The following SBF1 variants were observed in gnomAD, a reference collection of about 807,000 sequenced individuals.
SBF1 encodes SET binding factor 1.
A neutral mutation model predicts 215.8 loss-of-function variants in SBF1; 65 were observed. The ratio of observed to expected loss-of-function variants is 0.30; its 90% CI spans 0.25 to 0.37. The LOEUF is 0.37. Among genes scored for constraint, SBF1 ranks in the 10% least tolerant of loss-of-function variants. SBF1 has a pLI of 1.00. For synonymous variants in SBF1, 1,410 were observed against 1,122.8 expected (o/e 1.26, Z -5.11); for missense variants, 2,634 against 2,667.8 (o/e 0.99, Z 0.28).
chr22:50,460,812 G>A (rs2067476259), intron 23 of SBF1, 100 bp from the exon 24 acceptor site: 2 of 1,325,402 alleles, frequency 1.5e-6, no homozygotes, highest in African/African-American at 1.5e-5. Flanking sequence ...AGCCATGACA[G>A]AGAGAGAAGC....
chr22:50,464,925 G>C lies in SBF1; in HGVS notation c.1333-8C>G, dbSNP rs1603433639. 6.2e-7 allele frequency: 1 copy of C among 1,613,836 alleles called. No individual in the cohort carries two copies. Among genetic ancestry groups the C allele is most frequent in the East Asian group, 2.2e-5 (1 of 44,880 alleles). On this transcript the variant is annotated splice_region_variant and splice_polypyrimidine_tract_variant and intron_variant, in intron 12 of 40. Coordinates refer to ENST00000380817, the MANE Select transcript of SBF1 (RefSeq NM_002972.4). ...CACCTCGTGGGCCACCAGCTAGCGG[G>C]GTAAGCAGGAGGTTAGGTAAGCCAT...
At position 50,464,891 on chromosome 22, in the gene SBF1, C is replaced by T. The variant is rs776387674; in HGVS notation, c.1359G>A (p.Met453Ile). Residue 453 changes from methionine to isoleucine, a missense_variant, in exon 13 of 41, where the codon ATG becomes ATA. Transcript: ENST00000380817. ...DELVAHEVAR[M>I]RADENHPQRV... Reference sequence around the variant, plus strand: ...GCTGGGGGTGGTTCTCATCCGCCCGCATCCTTGCCACCTCGTGGGCCACCA... The same window carrying T: ...GCTGGGGGTGGTTCTCATCCGCCCGTATCCTTGCCACCTCGTGGGCCACCA... 17 of 1,613,770 alleles carry T rather than the reference C, an allele frequency of 1.1e-5. No homozygotes were observed. Among genetic ancestry groups the T allele is most frequent in the Non-Finnish European group, 1.4e-5 (17 of 1,180,026 alleles).
chr22:50,461,091 G>A, intron 23 of SBF1, 68 bp downstream of exon 23: 3 of 1,523,738 alleles, frequency 2.0e-6, no homozygotes, highest in African/African-American at 1.4e-5. Context: ...GTTCATACAA[G>A]AAAGACCGGT....
chr22:50,464,551 G>T lies in SBF1; in HGVS notation c.1619C>A (p.Pro540His). 1 of 1,611,298 alleles carries T rather than the reference G, an allele frequency of 6.2e-7. No homozygotes were observed. Among genetic ancestry groups the T allele is most frequent in the Non-Finnish European group, 8.5e-7 (1 of 1,179,046 alleles). Residue 540 changes from proline to histidine, a missense_variant, in exon 14 of 41, where the codon CCC (proline) becomes CAC (histidine). Transcript: ENST00000380817. ...AVKAERRTTV[P>H]SGPPMTAILE... is the part of the protein sequence containing the mutation. ...TTACGCACTCATGGGGGGCCCTGAG[G>T]GCACGGTGGTCCTCCTCTCGGCCTT...
chr22:50,461,033 C>G (rs564747965), intron 23 of SBF1, 126 bp downstream of exon 23: 2 of 1,266,516 alleles, frequency 1.6e-6, no homozygotes, highest in Non-Finnish European at 2.1e-6. Context: ...GGGCCCCAGA[C>G]ATGCAAGCGT....
In SBF1 at chr22:50,459,640, T is replaced by C; in HGVS notation, c.3518A>G (p.Gln1173Arg). ...RSYPGLLIVP[Q>R]SVQDNALQRV... ...CTGCAGGGCGTTGTCCTGGACACTC[T>C]GGGGCACGATCAGCAGCCCTGGGTA... Residue 1173 changes from glutamine to arginine, a missense_variant, in exon 27 of 41, where the codon CAG becomes CGG. By Grantham distance (43) the Gln-to-Arg change is conservative (BLOSUM62 1). Coordinates refer to ENST00000380817, the MANE Select transcript of SBF1 (RefSeq NM_002972.4). 1 of 1,607,656 alleles carries C rather than the reference T, an allele frequency of 6.2e-7. No individual in the cohort carries two copies. The highest frequency in any genetic ancestry group is 8.5e-7 in the Non-Finnish European group (1 of 1,178,020).
In SBF1 at chr22:50,466,225, C is replaced by G. The variant is rs765389414; in HGVS notation, c.822G>C (p.Leu274=). The G allele has an allele frequency of 1.2e-6, 2 of 1,613,510 alleles. No individual in the cohort carries two copies. The highest frequency in any genetic ancestry group is 1.7e-6 in the Non-Finnish European group (2 of 1,180,048). The change falls in exon 8 of 41, where the codon CTG becomes CTC. Residue 274 remains leucine (L), a synonymous_variant. Coordinates refer to ENST00000380817, the MANE Select transcript of SBF1 (RefSeq NM_002972.4). ...GCGTGGGTGTGCTGAGGACCTCCAG[C>G]AGCTGAGCCGGCAGGATGGGCACAT... ...FTYVPILPAQ[L]LEVLSTPTPF...
intron 1 of SBF1, among the ~76,000 whole-genome samples, chr22:50,473,609 G>C (rs1294557949): frequency 2.0e-5 from 3 of 152,162 alleles, no homozygotes; most frequent in Non-Finnish European, 4.4e-5. Context: ...ATGCTAAAGA[G>C]GCTTCAGGAA....
At chr22:50,453,667 G>A (rs1350738589) in intron 36 of SBF1, among the ~76,000 whole-genome samples, 1 of 152,168 alleles carries the variant, frequency 6.6e-6, no homozygotes, top group Non-Finnish European at 1.5e-5. Flanking sequence ...GGCACCTGTA[G>A]TCCCAGCTAC....
Position 50,446,644 on chromosome 22 carries a change from C to A in SBF1, c.*498G>T. 2.8e-6 allele frequency: 1 copy of A among 363,522 alleles called. No individual in the cohort carries two copies. The highest frequency in any genetic ancestry group is 5.4e-6 in the Non-Finnish European group (1 of 184,096). The allele number at this position is 363,522 out of a possible 1,614,324, so 22.5% of individuals were successfully genotyped here. ...GATCCGCCCCCAGAGCAAAGTCACT[C>A]CCAGGGACATGCAGGCCGAGCTGGG... On this transcript the variant is annotated 3_prime_UTR_variant, in exon 41 of 41. Coordinates refer to ENST00000380817, the MANE Select transcript of SBF1 (RefSeq NM_002972.4).
Position 50,457,123 on chromosome 22 carries a change from G to T in SBF1, c.3827-12C>A. Reference sequence around the variant, plus strand: ...TCTGGGGCTGGGAACTGAGGGCACAGCAGAGAGAAGGCTCAGGCCTAGCCC... The same window carrying T: ...TCTGGGGCTGGGAACTGAGGGCACATCAGAGAGAAGGCTCAGGCCTAGCCC... On this transcript the variant is annotated splice_polypyrimidine_tract_variant and intron_variant, in intron 28 of 40. Transcript: ENST00000380817. 6.8e-7 allele frequency: 1 copy of T among 1,473,564 alleles called. No individual in the cohort carries two copies. The highest frequency in any genetic ancestry group is 8.9e-7 in the Non-Finnish European group (1 of 1,120,102). 91.3% of individuals were successfully genotyped at this position (1,473,564 alleles called of 1,614,324 possible).
chr22:50,473,581 G>A lies in SBF1; in HGVS notation c.55+1205C>T, dbSNP rs12483908. Among the ~76,000 whole-genome samples, 509 of 152,258 alleles carry A rather than the reference G, an allele frequency of 3.3e-3. 2 individuals are homozygous for A. Among genetic ancestry groups the A allele is most frequent in the South Asian group, 0.022 (107 of 4,826 alleles). ...TGCTGAGTAAGAGGGCACTGAGGAGGGGCTGGAGACGAAGAAGATGCTAAA... is the reference window on the plus strand; with the variant it reads ...TGCTGAGTAAGAGGGCACTGAGGAGAGGCTGGAGACGAAGAAGATGCTAAA... On this transcript the variant is annotated intron_variant, in intron 1 of 40. Transcript: ENST00000380817.
chr22:50,456,097 ACCT>A, intron 31 of SBF1, 116 bp downstream of exon 31: 5 of 1,112,298 alleles, frequency 4.5e-6, no homozygotes, highest in South Asian at 1.7e-5. Context: ...AGTGGCTGTC[ACCT>A]CCTCCTTCCA....
chr22:50,454,819 C>T lies in SBF1; in HGVS notation c.4807G>A (p.Ala1603Thr), dbSNP rs754454392. 5 of 1,613,844 alleles carry T rather than the reference C, an allele frequency of 3.1e-6. No individual in the cohort carries two copies. The highest frequency in any genetic ancestry group is 2.7e-5 in the African/African-American group (2 of 75,036). Residue 1603 changes from alanine (A) to threonine (T), a missense_variant, in exon 35 of 41, where the codon GCA (alanine) becomes ACA (threonine). Coordinates refer to ENST00000380817, the MANE Select transcript of SBF1 (RefSeq NM_002972.4). ...CGACCCAGGCCCCAGCTTACCTCTG[C>T]GTCCTCGGGCGCATACATGTAATTG... ...FHNYMYAPED[A>T]EVLRPYSNVS...
chr22:50,465,114 G>C lies in SBF1; in HGVS notation c.1219C>G (p.Gln407Glu), dbSNP rs2067690978. Residue 407 changes from glutamine (Q) to glutamate (E), a missense_variant, in exon 12 of 41, where the codon CAG becomes GAG. By Grantham distance (29) the Gln-to-Glu change is conservative. Transcript: ENST00000380817. ...AAATCGTCCTCTACCAGCCCACGCT[G>C]GCCCAGGAAGGCTGCCTGGATGACA... ...IRFHKAAFLG[Q>E]RGLVEDDFLM... 4 of 1,613,956 alleles carry C rather than the reference G, an allele frequency of 2.5e-6. No individual in the cohort carries two copies. In the African/African-American group the frequency reaches 4.0e-5, roughly 16 times the overall value.
Position 50,467,357 on chromosome 22 carries a change from G to A in SBF1, c.530C>T (p.Pro177Leu), listed in dbSNP as rs1325470004. 6.2e-7 allele frequency: 1 copy of A among 1,614,094 alleles called. No individual in the cohort carries two copies. Among genetic ancestry groups the A allele is most frequent in the East Asian group, 2.2e-5 (1 of 44,878 alleles). ...ACTCACCTGCGAGCCCCCAGCCAGGGGCACAGTGCACGTCAGCAGGTTCCC... is the reference window on the plus strand; with the variant it reads ...ACTCACCTGCGAGCCCCCAGCCAGGAGCACAGTGCACGTCAGCAGGTTCCC... ...VIGNLLTCTVPLAGGSQRTIS... is the reference protein window; with the variant it reads ...VIGNLLTCTVLLAGGSQRTIS... Residue 177 changes from proline to leucine, a missense_variant, in exon 5 of 41, where the codon CCC becomes CTC. Pro to Leu is a moderately conservative substitution (Grantham distance 98). Coordinates refer to ENST00000380817, the MANE Select transcript of SBF1 (RefSeq NM_002972.4).
Position 50,462,852 on chromosome 22 carries a change from A to G in SBF1, c.1968+18T>C. On this transcript the variant is annotated intron_variant, in intron 17 of 40. Coordinates refer to ENST00000380817, the MANE Select transcript of SBF1 (RefSeq NM_002972.4). Reference sequence around the variant, plus strand: ...AAGGGGGGGCTGGGAAGGAGACCTCAGCCATGCCAGCACTCACCCGGCAGA... The same window carrying G: ...AAGGGGGGGCTGGGAAGGAGACCTCGGCCATGCCAGCACTCACCCGGCAGA... 6.2e-7 allele frequency: 1 copy of G among 1,612,820 alleles called. No individual in the cohort carries two copies. The highest frequency in any genetic ancestry group is 8.5e-7 in the Non-Finnish European group (1 of 1,179,716).
rs2067845705 is a variant in SBF1 at position 50,467,949 on chromosome 22, TCCTCCC to T, written c.142-32_142-27del. ...CTGCAGGGAAGGCTCAGCAGTCAGC[TCCTCCC>T]CCTACACCTGTGGCAGGAACCAGCC... On this transcript the variant is annotated intron_variant, in intron 2 of 40. Coordinates refer to ENST00000380817, the MANE Select transcript of SBF1 (RefSeq NM_002972.4). 4 of 1,611,114 alleles carry T rather than the reference TCCTCCC, an allele frequency of 2.5e-6. No homozygotes were observed. The South Asian group carries it at 4.4e-5, about 18-fold the overall frequency.
intron 16 of SBF1, 42 bp downstream of exon 16, chr22:50,463,241 A>G (rs1603433221): frequency 6.2e-6 from 10 of 1,610,064 alleles, no homozygotes; most frequent in Admixed American, 1.7e-5. Context: ...GTTCCCGCTC[A>G]TGCGCCATGA....
Sources: gnomAD v4.1 joint callset for allele counts (sites outside exome capture counted in the v4.1 genomes callset) on GRCh38, gnomAD v4.1.1 for gene constraint, MANE v1.5 for transcripts, NCBI Gene and HGNC (gene_info 2026-07-23, HGNC 2026-07-21) for gene names.